The following SLC35D1 variants were observed in gnomAD, a reference collection of about 807,000 sequenced individuals.
The protein encoded by SLC35D1 is solute carrier family 35 member D1, also known as nucleotide sugar transporter SLC35D1.
A neutral mutation model predicts 46.7 loss-of-function variants in SLC35D1; 31 were observed. The ratio of observed to expected loss-of-function variants is 0.66; its 90% CI spans 0.50 to 0.90. The LOEUF (loss-of-function observed/expected upper bound fraction) is 0.90, where lower values mean the gene tolerates loss of function less well. Ranked by LOEUF, SLC35D1 falls within the 40% of genes least tolerant of loss-of-function variation. SLC35D1 has a pLI of 0.00. For missense variants in SLC35D1, 397 were observed against 426.2 expected (o/e 0.93, Z 0.60); for synonymous variants, 195 against 164.6 (o/e 1.18, Z -1.41).
intron 10 of SLC35D1, 100 bp from the exon 11 acceptor site, chr1:67,009,267 A>G (rs997951580): frequency 8.7e-6 from 4 of 458,058 alleles, no homozygotes; most frequent in Non-Finnish European, 1.6e-5. Flanking sequence ...ATACAAAAAC[A>G]AATAAACAAA....
At position 67,004,495 on chromosome 1, in the gene SLC35D1, T is replaced by C. The variant is rs754326423; in HGVS notation, c.960-47A>G. ...TCAGAGATGGAGGAAGGGAGGGTTTTAGTGTAAACACTCTACTCAGTAAAA... is the reference window on the plus strand; with the variant it reads ...TCAGAGATGGAGGAAGGGAGGGTTTCAGTGTAAACACTCTACTCAGTAAAA... On this transcript the variant is annotated intron_variant, in intron 11 of 11. Coordinates refer to ENST00000235345, the MANE Select transcript of SLC35D1 (RefSeq NM_015139.3). 3.3e-6 allele frequency: 5 copies of C among 1,513,756 alleles called. No homozygotes were observed. In the African/African-American group the frequency reaches 6.9e-5, roughly 21 times the overall value. The allele number at this position is 1,513,756 out of a possible 1,614,324, so 93.8% of individuals were successfully genotyped here.
At chr1:67,023,604 G>A (rs1272520562) in intron 8 of SLC35D1, among the ~76,000 whole-genome samples, 2 of 150,600 alleles carry the variant, frequency 1.3e-5, no homozygotes, top group African/African-American at 4.9e-5. Flanking sequence ...TCCTTCCTCC[G>A]CCTCCCGGGT....
the SLC35D1 span, among the ~76,000 whole-genome samples, chr1:66,978,320 A>C: frequency 1.3e-5 from 2 of 152,174 alleles, no homozygotes; most frequent in African/African-American, 4.8e-5. Flanking sequence ...CTTCCTTAGA[A>C]GGTCAAATGC....
chr1:66,987,967 C>T, the SLC35D1 span: 3 of 152,086 alleles, frequency 2.0e-5, no homozygotes, highest in Non-Finnish European at 2.9e-5. Flanking sequence ...AATGTGTTCC[C>T]GTATTTTGTA....
chr1:66,985,780 C>A, the SLC35D1 span: 2 of 920,702 alleles, frequency 2.2e-6, no homozygotes, highest in Non-Finnish European at 2.6e-6. Flanking sequence ...TATTTCTTAT[C>A]CAGGTGGTTA....
the SLC35D1 span, chr1:66,984,448 A>G: frequency 1.0e-5 from 7 of 686,154 alleles, no homozygotes; most frequent in Non-Finnish European, 1.7e-5. Context: ...TAATAGAGCA[A>G]GAATTTAGAC....
At chr1:66,986,374 T>C in the SLC35D1 span, 1 of 1,603,386 alleles carries the variant, frequency 6.2e-7, no homozygotes, top group Admixed American at 1.7e-5. Flanking sequence ...TTTTATAAAA[T>C]ATTAATTATT....
chr1:66,988,818 A>G, the SLC35D1 span, among the ~76,000 whole-genome samples: 2 of 152,212 alleles, frequency 1.3e-5, no homozygotes, highest in African/African-American at 2.4e-5. Flanking sequence ...ATTTCGGCCT[A>G]TACTTGTACC....
chr1:66,989,333 T>TAG, the SLC35D1 span, among the ~76,000 whole-genome samples: 6 of 152,338 alleles, frequency 3.9e-5, no homozygotes, highest in South Asian at 1.2e-3. Flanking sequence ...TGACTGAATG[T>TAG]AGAGCTGGCT....
At chr1:67,048,425 G>A (rs558951341) in intron 6 of SLC35D1, among the ~76,000 whole-genome samples, 3 of 152,340 alleles carry the variant, frequency 2.0e-5, no homozygotes, top group African/African-American at 4.8e-5. Flanking sequence ...AAGGTAGGAG[G>A]CTAGCATAGA....
the SLC35D1 span, among the ~76,000 whole-genome samples, chr1:66,975,714 A>C: frequency 6.6e-6 from 1 of 152,154 alleles, no homozygotes; most frequent in Non-Finnish European, 1.5e-5. Context: ...GGAGCCATTC[A>C]GTTGCACAAA....
At chr1:67,046,197 A>T (rs1645248964) in intron 7 of SLC35D1, among the ~76,000 whole-genome samples, 1 of 152,102 alleles carries the variant, frequency 6.6e-6, no homozygotes, top group South Asian at 2.1e-4. Context: ...AAATAATGAA[A>T]CCTACTGGGA....
the SLC35D1 span, among the ~76,000 whole-genome samples, chr1:66,973,308 T>C: frequency 6.6e-6 from 1 of 152,058 alleles, no homozygotes; most frequent in Non-Finnish European, 1.5e-5. Context: ...TCTGTGACTG[T>C]TTTATGGAGG....
the SLC35D1 span, among the ~76,000 whole-genome samples, chr1:66,974,985 CA>C: frequency 6.6e-6 from 1 of 151,906 alleles, no homozygotes; most frequent in Non-Finnish European, 1.5e-5. Context: ...CTAGAGGAGA[CA>C]AAAAACAGCT....
intron 7 of SLC35D1, among the ~76,000 whole-genome samples, chr1:67,042,952 C>G (rs1189735420): frequency 6.6e-6 from 1 of 152,094 alleles, no homozygotes; most frequent in African/African-American, 2.4e-5. Context: ...AATCCCAGCA[C>G]TTTGGGAGGC....
chr1:66,994,256 G>GTCAC, the SLC35D1 span, among the ~76,000 whole-genome samples: 4 of 152,216 alleles, frequency 2.6e-5, no homozygotes, highest in African/African-American at 9.6e-5. Context: ...AGTCTACTTT[G>GTCAC]TCACTATTAG....
chr1:67,010,282 G>C (rs771592852), intron 10 of SLC35D1, among the ~76,000 whole-genome samples: 1 of 152,136 alleles, frequency 6.6e-6, no homozygotes, highest in Non-Finnish European at 1.5e-5. Context: ...CCAGGCCTCA[G>C]TGACACACAA....
the SLC35D1 span, among the ~76,000 whole-genome samples, chr1:66,978,846 T>A: frequency 5.3e-5 from 8 of 152,334 alleles, no homozygotes; most frequent in East Asian, 1.5e-3. Flanking sequence ...TAGGTAGGGA[T>A]GTGCCACCAA....
chr1:66,997,877 C>T (rs1472549395), downstream of SLC35D1, among the ~76,000 whole-genome samples: 1 of 150,076 alleles, frequency 6.7e-6, no homozygotes, highest in Non-Finnish European at 1.5e-5. Flanking sequence ...GGGTTAAAAT[C>T]CAGAATATAA....
Sources: gnomAD v4.1 joint callset for allele counts (sites outside exome capture counted in the v4.1 genomes callset) on GRCh38, gnomAD v4.1.1 for gene constraint, MANE v1.5 for transcripts, NCBI Gene and HGNC (gene_info 2026-07-23, HGNC 2026-07-21) for gene names.